RTKN2: variants seen among roughly 807,000 people sequenced by gnomAD.
RTKN2 encodes rhotekin-2.
Under a neutral mutation model 71.5 loss-of-function variants are expected in RTKN2, and 69 were observed. The observed-to-expected ratio is 0.96, with a 90% CI of 0.79 to 1.18. The LOEUF (loss-of-function observed/expected upper bound fraction) is 1.18, where lower values mean the gene tolerates loss of function less well. Ranked by LOEUF, RTKN2 falls within the 50% of genes most tolerant of loss-of-function variation. The pLI is 0.00. For synonymous variants in RTKN2, 236 were observed against 236.5 expected (o/e 1.00, Z 0.02); for missense variants, 724 against 719.7 (o/e 1.01, Z -0.07).
At chr10:62,238,322 T>A (rs1842300190) in intron 5 of RTKN2, 1 of 151,998 alleles carries the variant, frequency 6.6e-6, no homozygotes, top group Non-Finnish European at 1.5e-5. Context: ...AGAACATTTG[T>A]CAGCAGTTAT....
chr10:62,197,961 T>G lies in RTKN2; in HGVS notation c.1777A>C (p.Lys593Gln). The G allele has an allele frequency of 1.2e-6, 2 of 1,614,070 alleles. No homozygotes were observed. Among genetic ancestry groups the G allele is most frequent in the Non-Finnish European group, 1.7e-6 (2 of 1,179,942 alleles). ...EAKPVPAPRQ[K>Q]SIKDILDPRS... ...GGGTCCAGAATGTCTTTGATGGATTTCTGCCTTGGAGCTGGCACTGGCTTG... is the reference window on the plus strand; with the variant it reads ...GGGTCCAGAATGTCTTTGATGGATTGCTGCCTTGGAGCTGGCACTGGCTTG... Residue 593 changes from lysine to glutamine, a missense_variant, in exon 12 of 12, where the codon AAA (lysine) becomes CAA (glutamine). By Grantham distance (53) the Lys-to-Gln change is moderately conservative. Transcript: ENST00000373789.
intron 10 of RTKN2, among the ~76,000 whole-genome samples, chr10:62,203,101 G>A (rs879382440): frequency 6.6e-5 from 10 of 151,956 alleles, no homozygotes; most frequent in Non-Finnish European, 1.3e-4. Context: ...CAGAGGTTGC[G>A]GTGAGCCAAG....
chr10:62,206,073 G>C (rs1841542853), intron 9 of RTKN2, among the ~76,000 whole-genome samples: 1 of 152,092 alleles, frequency 6.6e-6, no homozygotes, highest in Non-Finnish European at 1.5e-5. Flanking sequence ...CAGCATATCT[G>C]AAATATGTTG....
chr10:62,245,386 G>A (rs1231842155), intron 3 of RTKN2, among the ~76,000 whole-genome samples: 1 of 152,152 alleles, frequency 6.6e-6, no homozygotes, highest in Non-Finnish European at 1.5e-5. Flanking sequence ...GACAAGGAGA[G>A]AAATGTCTGC....
intron 6 of RTKN2, 64 bp downstream of exon 6, chr10:62,236,002 A>G: frequency 8.5e-7 from 1 of 1,178,518 alleles, no homozygotes. Context: ...CACTTCACAT[A>G]TAATACTTTA....
chr10:62,238,008 T>G (rs760522170), intron 5 of RTKN2: 5 of 151,798 alleles, frequency 3.3e-5, no homozygotes, highest in Non-Finnish European at 5.9e-5. Flanking sequence ...AAAATATACT[T>G]AAGACTGCAA....
chr10:62,233,768 T>C lies in RTKN2; in HGVS notation c.686+2298A>G, dbSNP rs369652097. Among the ~76,000 whole-genome samples, 17 of 152,302 alleles carry C rather than the reference T, an allele frequency of 1.1e-4. No homozygotes were observed. The East Asian group carries it at 2.3e-3, about 21-fold the overall frequency. On this transcript the variant is annotated intron_variant, in intron 6 of 11. Coordinates refer to ENST00000373789, the MANE Select transcript of RTKN2 (RefSeq NM_145307.4). Reference sequence around the variant, plus strand: ...CACTATGCTAGAGTGCCAAAGTATATTTTGCATGTAATATATATCACATGA... The same window carrying C: ...CACTATGCTAGAGTGCCAAAGTATACTTTGCATGTAATATATATCACATGA...
rs181066638 is a variant in RTKN2, at chr10:62,202,257, A to T, written c.1187-2396T>A. 2.5e-3 allele frequency among the ~76,000 whole-genome samples: 382 copies of T among 152,216 alleles called. 6 individuals carry two copies. Among genetic ancestry groups the T allele is most frequent in the African/African-American group, 8.7e-3 (363 of 41,518 alleles). On this transcript the variant is annotated intron_variant, in intron 10 of 11. Transcript: ENST00000373789. ...GGCTATTCTTCCCTGGGCTAAACAG[A>T]TCTACTTCCGTAAGTGTTTCCTCCT...
At chr10:62,210,086 T>C (rs12357511) in intron 9 of RTKN2, among the ~76,000 whole-genome samples, 34,914 of 152,082 alleles carry the variant, frequency 0.23, 5,146 homozygotes, top group African/African-American at 0.42. Context: ...ACCAACAATG[T>C]ATGAGCATTC....
rs191229125 is a variant in RTKN2 at position 62,213,146 on chromosome 10, C to T, written c.1020+3972G>A. Among the ~76,000 whole-genome samples the T allele has an allele frequency of 3.0e-3, 455 of 152,318 alleles. 7 individuals carry two copies. Among genetic ancestry groups the T allele is most frequent in the Admixed American group, 0.027 (418 of 15,290 alleles). On this transcript the variant is annotated intron_variant, in intron 9 of 11. Transcript: ENST00000373789. ...GTAGTATGAGAAAATCACCCAGAAT[C>T]TTCCGTGTAATAAGTGATTTAGGCA...
intron 2 of RTKN2, among the ~76,000 whole-genome samples, chr10:62,260,106 C>T (rs1842746677): frequency 6.6e-6 from 1 of 152,168 alleles, no homozygotes. Flanking sequence ...TTAACTCTGG[C>T]AGCAATATAA....
chr10:62,195,044 C>T lies in RTKN2; in HGVS notation c.*2864G>A. The stretch of plus-strand genomic sequence containing the variant: ...AGAATTTTAAAAATGCCTTCTTTGC[C>T]CTTGCAAGATATTAAAATACAAAAG... On this transcript the variant is annotated 3_prime_UTR_variant, in exon 12 of 12. Transcript: ENST00000373789. 4.1e-6 allele frequency: 4 copies of T among 984,756 alleles called. No homozygotes were observed. Among genetic ancestry groups the T allele is most frequent in the Non-Finnish European group, 4.8e-6 (4 of 829,444 alleles). 61.0% of individuals were successfully genotyped at this position (984,756 alleles called of 1,614,324 possible).
At chr10:62,265,072 T>C (rs781185903) in intron 1 of RTKN2, among the ~76,000 whole-genome samples, 1 of 148,122 alleles carries the variant, frequency 6.8e-6, no homozygotes, top group Non-Finnish European at 1.5e-5. Flanking sequence ...GCTTGGGAAA[T>C]AGTAGAGAAA....
In RTKN2 at chr10:62,196,116, T is replaced by C. The variant is rs1437781421; in HGVS notation, c.*1792A>G. 2.0e-6 allele frequency: 2 copies of C among 985,104 alleles called. No individual in the cohort carries two copies. The highest frequency in any genetic ancestry group is 2.3e-4 in the East Asian group (2 of 8,814). The allele number at this position is 985,104 out of a possible 1,614,324, so 61.0% of individuals were successfully genotyped here. ...CTGCAGCATCTTCTAGCTCAATAAT[T>C]TAGTGGCAATGACAGTCACAAATGC... On this transcript the variant is annotated 3_prime_UTR_variant, in exon 12 of 12. Transcript: ENST00000373789.
intron 6 of RTKN2, among the ~76,000 whole-genome samples, chr10:62,227,664 T>C (rs1007272029): frequency 3.9e-5 from 6 of 152,102 alleles, no homozygotes; most frequent in Non-Finnish European, 7.4e-5. Flanking sequence ...TGTGCTATGA[T>C]CTGACTTGTA....
At chr10:62,190,283 T>C (rs1419406453), downstream of RTKN2, among the ~76,000 whole-genome samples, 1 of 152,174 alleles carries the variant, frequency 6.6e-6, no homozygotes, top group Non-Finnish European at 1.5e-5. Flanking sequence ...TCAGAGGCTG[T>C]TGGTATACTG....
chr10:62,229,894 T>A (rs1842112314), intron 6 of RTKN2, among the ~76,000 whole-genome samples: 1 of 152,154 alleles, frequency 6.6e-6, no homozygotes, highest in African/African-American at 2.4e-5. Flanking sequence ...ATGAAAAAAA[T>A]TATTGATAGC....
In RTKN2 at chr10:62,194,639, G is replaced by T. The variant is rs918418221; in HGVS notation, c.*3269C>A. 4.6e-5 allele frequency: 45 copies of T among 985,100 alleles called. No individual in the cohort carries two copies. The highest frequency in any genetic ancestry group is 5.3e-5 in the Non-Finnish European group (44 of 829,830). The allele number at this position is 985,100 out of a possible 1,614,324, so 61.0% of individuals were successfully genotyped here. A position where few individuals can be genotyped will look rare whatever the true frequency, so the allele number is the denominator to read the frequency against. ...TAACACAGGTGATTACATTCAAATG[G>T]CATTTAACATAAATTGCACCAAACT... On this transcript the variant is annotated 3_prime_UTR_variant, in exon 12 of 12. Coordinates refer to ENST00000373789, the MANE Select transcript of RTKN2 (RefSeq NM_145307.4).
At chr10:62,237,957 C>G (rs961880835) in intron 5 of RTKN2, among the ~76,000 whole-genome samples, 1 of 151,790 alleles carries the variant, frequency 6.6e-6, no homozygotes, top group African/African-American at 2.4e-5. Context: ...TACCTTTGAA[C>G]TACCTTTAGC....
Sources: allele counts gnomAD v4.1 joint callset (sites outside exome capture counted in the v4.1 genomes callset), GRCh38; gene constraint gnomAD v4.1.1; transcripts MANE v1.5; gene names NCBI Gene and HGNC (gene_info 2026-07-23, HGNC 2026-07-21).